LOC128071544: variants seen among roughly 807,000 people sequenced by gnomAD.
the LOC128071544 span, chr1:147,611,729 G>A: frequency 1.2e-5 from 13 of 1,068,638 alleles, no homozygotes; most frequent in East Asian, 3.1e-4. Context: ...GACGCACCCA[G>A]CAAGCAGTGG....
chr1:147,611,695 G>T, the LOC128071544 span: 1 of 709,210 alleles, frequency 1.4e-6, no homozygotes, highest in East Asian at 2.6e-5. Flanking sequence ...GAGGAAAAAG[G>T]CATACAGGCA....
At chr1:147,611,733 G>C in the LOC128071544 span, 1 of 1,095,682 alleles carries the variant, frequency 9.1e-7, no homozygotes, top group African/African-American at 1.5e-5. Flanking sequence ...CACCCAGCAA[G>C]CAGTGGGCCA....
At chr1:147,611,750 C>A in the LOC128071544 span, 2 of 1,364,712 alleles carry the variant, frequency 1.5e-6, no homozygotes, top group Non-Finnish European at 2.1e-6. Context: ...GCCAGTGCCA[C>A]TGCCCCCAGC....
At chr1:147,611,651 G>A in the LOC128071544 span, 5 of 599,056 alleles carry the variant, frequency 8.3e-6, no homozygotes, top group Non-Finnish European at 1.5e-5. Context: ...GCTGCAAGGG[G>A]AAAGGACCCA....
chr1:147,611,700 C>A, the LOC128071544 span: 1 of 743,876 alleles, frequency 1.3e-6, no homozygotes. Flanking sequence ...AAAAGGCATA[C>A]AGGCAGCGAG....
the LOC128071544 span, chr1:147,611,781 G>T: frequency 1.3e-6 from 2 of 1,573,214 alleles, no homozygotes; most frequent in African/African-American, 1.4e-5. Flanking sequence ...GCTGCAACCC[G>T]AGAGGAACTC....
chr1:147,611,661 A>G, the LOC128071544 span: 1 of 612,328 alleles, frequency 1.6e-6, no homozygotes, highest in South Asian at 2.1e-5. Flanking sequence ...GAAAGGACCC[A>G]CTTCCACAGC....
chr1:147,611,791 C>T, the LOC128071544 span: 43 of 1,593,994 alleles, frequency 2.7e-5, no homozygotes, highest in South Asian at 1.9e-4. Context: ...GAGAGGAACT[C>T]GGTGAGCCTG....
At chr1:147,611,734 C>T in the LOC128071544 span, 1 of 1,101,016 alleles carries the variant, frequency 9.1e-7, no homozygotes, top group South Asian at 1.3e-5. Context: ...ACCCAGCAAG[C>T]AGTGGGCCAG....
At chr1:147,611,688 GA>G in the LOC128071544 span, 9 of 679,412 alleles carry the variant, frequency 1.3e-5, no homozygotes, top group East Asian at 2.7e-5. Flanking sequence ...AAACAAAGAG[GA>G]AAAAGGCATA....
At chr1:147,611,747 C>T in the LOC128071544 span, 3 of 1,289,758 alleles carry the variant, frequency 2.3e-6, no homozygotes, top group Non-Finnish European at 3.4e-6. Context: ...TGGGCCAGTG[C>T]CACTGCCCCC....
At chr1:147,611,763 C>T in the LOC128071544 span, 10 of 1,460,830 alleles carry the variant, frequency 6.8e-6, no homozygotes, top group Middle Eastern at 1.8e-4. Context: ...CCCCCAGCAG[C>T]TGTTTCTGCT....
chr1:147,611,761 A>G, the LOC128071544 span: 1 of 1,454,552 alleles, frequency 6.9e-7, no homozygotes, highest in East Asian at 2.3e-5. Context: ...TGCCCCCAGC[A>G]GCTGTTTCTG....
At chr1:147,611,692 A>G in the LOC128071544 span, 1 of 688,618 alleles carries the variant, frequency 1.5e-6, no homozygotes, top group South Asian at 1.8e-5. Context: ...AAAGAGGAAA[A>G]AGGCATACAG....
chr1:147,611,655 G>A, the LOC128071544 span: 4 of 601,574 alleles, frequency 6.6e-6, no homozygotes, highest in Non-Finnish European at 1.2e-5. Context: ...CAAGGGGAAA[G>A]GACCCACTTC....
chr1:147,611,676 A>T, the LOC128071544 span: 5 of 643,440 alleles, frequency 7.8e-6, no homozygotes, highest in Admixed American at 1.4e-4. Context: ...CACAGCAGAG[A>T]AAAACAAAGA....
chr1:147,611,728 A>C, the LOC128071544 span: 13 of 1,061,798 alleles, frequency 1.2e-5, no homozygotes, highest in Non-Finnish European at 4.4e-6. Flanking sequence ...GGACGCACCC[A>C]GCAAGCAGTG....
chr1:147,611,708 G>A, the LOC128071544 span: 36 of 811,300 alleles, frequency 4.4e-5, no homozygotes, highest in African/African-American at 5.8e-4. Flanking sequence ...TACAGGCAGC[G>A]AGCGCTAAGG....
chr1:147,611,609 C>T, the LOC128071544 span: 1 of 554,280 alleles, frequency 1.8e-6, no homozygotes, highest in South Asian at 2.6e-5. Context: ...TTTCCTCTGG[C>T]AGCAGGAGGC....
Sources: gnomAD v4.1 joint callset for allele counts on GRCh38, gnomAD v4.1.1 for gene constraint, MANE v1.5 for transcripts.